Variants in WDR25 observed in about 807,000 individuals in gnomAD.
WDR25 encodes the protein WD repeat-containing protein 25.
WDR25 carries 35 observed loss-of-function variants against 47.7 expected under a neutral mutation model. That is an observed-to-expected ratio of 0.73 (90% CI 0.56 to 0.97). The LOEUF (loss-of-function observed/expected upper bound fraction) is 0.97, where lower values mean the gene tolerates loss of function less well. Ranked by LOEUF, WDR25 falls within the 50% of genes least tolerant of loss-of-function variation. The pLI is 0.00. For synonymous variants in WDR25, 248 were observed against 278.9 expected, an observed-to-expected ratio of 0.89 and a Z score of 1.10; for missense variants, 634 against 704.7, an observed-to-expected ratio of 0.90 and a Z score of 1.14.
chr14:100,513,391 C>A (rs1901375166), intron 4 of WDR25, among the ~76,000 whole-genome samples: 2 of 152,316 alleles, frequency 1.3e-5, no homozygotes, highest in East Asian at 1.9e-4. Context: ...AAGGTGCAAG[C>A]CCTCACCAGA....
rs1900879422 is a variant in WDR25, at chr14:100,500,391, C to T, written c.1101+16267C>T. On this transcript the variant is annotated intron_variant, in intron 4 of 6. Transcript: ENST00000402312. The surrounding 1 kb of genome is among the most constrained non-coding windows in gnomAD (Gnocchi z 4.7). The stretch of plus-strand genomic sequence containing the variant: ...CAGGGACCCGAGGAGGGTGAAGTGG[C>T]TCTGGCTGTGGAGGGTGGAGAAGGA... Among the ~76,000 whole-genome samples the T allele has an allele frequency of 6.6e-6, 1 of 152,144 alleles. No homozygotes were observed. The highest frequency in any genetic ancestry group is 6.5e-5 in the Admixed American group (1 of 15,284).
intron 4 of WDR25, among the ~76,000 whole-genome samples, chr14:100,497,082 A>G (rs948271873): frequency 8.6e-5 from 13 of 151,754 alleles, no homozygotes; most frequent in Non-Finnish European, 1.6e-4. Flanking sequence ...TTCTAGTTTA[A>G]TCCTGTTGTA....
chr14:100,437,447 C>T lies in WDR25; in HGVS notation c.823-30574C>T, dbSNP rs566529749. 2.6e-4 allele frequency among the ~76,000 whole-genome samples: 40 copies of T among 152,162 alleles called. 1 individual carries two copies. The South Asian group carries it at 5.2e-3, about 20-fold the overall frequency. On this transcript the variant is annotated intron_variant, in intron 2 of 6. Coordinates refer to ENST00000402312, the MANE Select transcript of WDR25 (RefSeq NM_001161476.3). ...ACTATAGTGGCATAAAAAAGCCACC[C>T]GAAGCTGGGCTCATACCTTAGCTTT...
At chr14:100,426,300 T>G (rs1898166386) in intron 2 of WDR25, among the ~76,000 whole-genome samples, 1 of 152,214 alleles carries the variant, frequency 6.6e-6, no homozygotes, top group South Asian at 2.1e-4. Flanking sequence ...CTTTGGGAAA[T>G]CAACCTGAGA....
At chr14:100,522,306 A>G (rs1322171331) in intron 4 of WDR25, among the ~76,000 whole-genome samples, 1 of 152,178 alleles carries the variant, frequency 6.6e-6, no homozygotes, top group East Asian at 1.9e-4. Context: ...GTTTGGAGTC[A>G]TAGCTGGGAA....
rs961372432 is a variant in WDR25 at position 100,502,335 on chromosome 14, C to A, written c.1101+18211C>A. On this transcript the variant is annotated intron_variant, in intron 4 of 6. Coordinates refer to ENST00000402312, the MANE Select transcript of WDR25 (RefSeq NM_001161476.3). The surrounding 1 kb of genome is among the most constrained non-coding windows in gnomAD (Gnocchi z 4.5). Reference sequence around the variant, plus strand: ...TCTCATGAGCCCCCCACATTCAGTGCCCTCATTCCCTGGTCCTCAGTTTCC... The same window carrying A: ...TCTCATGAGCCCCCCACATTCAGTGACCTCATTCCCTGGTCCTCAGTTTCC... 5.3e-5 allele frequency among the ~76,000 whole-genome samples: 8 copies of A among 152,204 alleles called. No individual in the cohort carries two copies. Among genetic ancestry groups the A allele is most frequent in the Admixed American group, 2.0e-4 (3 of 15,286 alleles).
intron 4 of WDR25, chr14:100,504,601 C>A (rs529782576): frequency 4.6e-5 from 7 of 152,116 alleles, no homozygotes; most frequent in Non-Finnish European, 8.8e-5. Context: ...ATGGACATAC[C>A]GCAGTTTGTT....
At chr14:100,446,164 T>G (rs1898826025) in intron 2 of WDR25, among the ~76,000 whole-genome samples, 1 of 152,198 alleles carries the variant, frequency 6.6e-6, no homozygotes, top group African/African-American at 2.4e-5. Context: ...GGAGGAGCCT[T>G]CTGGCTTTGT....
intron 3 of WDR25, among the ~76,000 whole-genome samples, chr14:100,475,040 T>C (rs537278716): frequency 6.6e-6 from 1 of 152,258 alleles, no homozygotes; most frequent in African/African-American, 2.4e-5. Context: ...TTAGAAAAAA[T>C]GCTCAACATC....
Position 100,525,186 on chromosome 14 carries a change from C to T in WDR25, c.1102-684C>T, listed in dbSNP as rs1206444057. On this transcript the variant is annotated intron_variant, in intron 4 of 6. Coordinates refer to ENST00000402312, the MANE Select transcript of WDR25 (RefSeq NM_001161476.3). This position sits in a 1 kb window ranked among gnomAD's most constrained non-coding sequence, Gnocchi z 4.6. ...TGTTAAGTGGAGCTACTTGCTGGTC[C>T]TGGTACTGGGACCCTTCTCCATCCC... is the stretch of plus-strand genomic sequence containing the variant. Among the ~76,000 whole-genome samples, 1 of 152,186 alleles carries T rather than the reference C, an allele frequency of 6.6e-6. No homozygotes were observed. Among genetic ancestry groups the T allele is most frequent in the Non-Finnish European group, 1.5e-5 (1 of 68,038 alleles).
At chr14:100,518,684 A>G (rs1901591660) in intron 4 of WDR25, among the ~76,000 whole-genome samples, 1 of 152,116 alleles carries the variant, frequency 6.6e-6, no homozygotes, top group Non-Finnish European at 1.5e-5. Context: ...TGAGCTCAGG[A>G]GTTCAAGACC....
At chr14:100,512,062 T>A (rs1901328345) in intron 4 of WDR25, among the ~76,000 whole-genome samples, 1 of 152,198 alleles carries the variant, frequency 6.6e-6, no homozygotes, top group Non-Finnish European at 1.5e-5. Flanking sequence ...TCTGAACTTT[T>A]TTTATTATAA....
chr14:100,405,900 C>CCT (rs1897523335), intron 2 of WDR25, among the ~76,000 whole-genome samples: 1 of 152,202 alleles, frequency 6.6e-6, no homozygotes, highest in African/African-American at 2.4e-5. Flanking sequence ...CCAGGCTGTG[C>CCT]ATAGGCTTTT....
chr14:100,453,526 T>C (rs540973796), intron 2 of WDR25, among the ~76,000 whole-genome samples: 32 of 152,342 alleles, frequency 2.1e-4, no homozygotes, highest in Non-Finnish European at 3.4e-4. Flanking sequence ...CAATACATGA[T>C]TATTGCTACC....
At chr14:100,477,745 C>T (rs1026879187) in intron 3 of WDR25, among the ~76,000 whole-genome samples, 5 of 152,160 alleles carry the variant, frequency 3.3e-5, no homozygotes, top group African/African-American at 9.7e-5. Context: ...TTTTCAAAGC[C>T]TCATGAGAAA....
intron 2 of WDR25, among the ~76,000 whole-genome samples, chr14:100,402,496 G>A (rs1293376647): frequency 1.3e-5 from 2 of 152,200 alleles, no homozygotes; most frequent in Non-Finnish European, 2.9e-5. Flanking sequence ...GGACATGGGG[G>A]TGGACAGAGT....
chr14:100,399,389 G>T (rs971615774), intron 2 of WDR25, among the ~76,000 whole-genome samples: 3 of 151,850 alleles, frequency 2.0e-5, no homozygotes, highest in Non-Finnish European at 4.4e-5. Flanking sequence ...TCCTTCTCTT[G>T]CATTTCCCCC....
Position 100,523,908 on chromosome 14 carries a change from C to G in WDR25, c.1102-1962C>G, listed in dbSNP as rs1378482102. Among the ~76,000 whole-genome samples the G allele has an allele frequency of 4.6e-5, 7 of 152,140 alleles. No individual in the cohort carries two copies. Among genetic ancestry groups the G allele is most frequent in the Non-Finnish European group, 1.0e-4 (7 of 68,012 alleles). ...TAATTAAGGTTGCCATAAAACCCAC[C>G]AGCTAGACACACAAATGGCTCCTTT... On this transcript the variant is annotated intron_variant, in intron 4 of 6. Coordinates refer to ENST00000402312, the MANE Select transcript of WDR25 (RefSeq NM_001161476.3). This position sits in a 1 kb window ranked among gnomAD's most constrained non-coding sequence, Gnocchi z 4.7.
intron 5 of WDR25, among the ~76,000 whole-genome samples, chr14:100,526,779 A>G (rs76951017): frequency 6.9e-3 from 44 of 6,388 alleles, no homozygotes; most frequent in East Asian, 0.022. Context: ...CACCACTACT[A>G]TCATCACCAC....
Sources: allele counts gnomAD v4.1 joint callset (sites outside exome capture counted in the v4.1 genomes callset), GRCh38; gene constraint gnomAD v4.1.1; non-coding constraint Gnocchi (gnomAD v3.1); transcripts MANE v1.5; gene names NCBI Gene and HGNC (gene_info 2026-07-23, HGNC 2026-07-21).